Variants in SLIT3 observed in about 807,000 individuals in gnomAD.
SLIT3 encodes the protein slit guidance ligand 3.
A neutral mutation model predicts 184.0 loss-of-function variants in SLIT3; 68 were observed. The ratio of observed to expected loss-of-function variants is 0.37; its 90% CI spans 0.30 to 0.45. The LOEUF is 0.45. Ranked by LOEUF, SLIT3 falls within the 20% of genes least tolerant of loss-of-function variation. The pLI is 1.00. For synonymous variants in SLIT3, 831 were observed against 828.6 expected (o/e 1.00, Z -0.05); for missense variants, 1,707 against 2,026.0 (o/e 0.84, Z 3.02).
chr5:169,028,356 G>A (rs1024503159), intron 4 of SLIT3, among the ~76,000 whole-genome samples: 1 of 152,096 alleles, frequency 6.6e-6, no homozygotes, highest in African/African-American at 2.4e-5. Flanking sequence ...GAGGACCATT[G>A]GTCAGCTTCA....
intron 4 of SLIT3, among the ~76,000 whole-genome samples, chr5:169,083,430 C>T (rs1298481776): frequency 7.2e-5 from 11 of 152,194 alleles, no homozygotes; most frequent in Admixed American, 7.2e-4. Context: ...AAGAGATCAA[C>T]ACCAATCCAG....
chr5:169,207,220 AT>A (rs914635789), intron 3 of SLIT3, among the ~76,000 whole-genome samples: 1 of 152,016 alleles, frequency 6.6e-6, no homozygotes, highest in African/African-American at 2.4e-5. Flanking sequence ...ATCCAAACTT[AT>A]TGGCGTTTCA....
chr5:169,007,439 T>A (rs551969866), intron 4 of SLIT3, among the ~76,000 whole-genome samples: 1 of 152,226 alleles, frequency 6.6e-6, no homozygotes, highest in Non-Finnish European at 1.5e-5. Context: ...GCAGTCCCTT[T>A]GGACCCAACC....
intron 4 of SLIT3, among the ~76,000 whole-genome samples, chr5:169,085,725 T>C (rs1416882969): frequency 2.0e-5 from 3 of 152,314 alleles, no homozygotes; most frequent in Non-Finnish European, 2.9e-5. Context: ...GCCAGAGACA[T>C]GCAATGCCTA....
At chr5:168,809,045 T>C (rs1312476114) in intron 8 of SLIT3, among the ~76,000 whole-genome samples, 1 of 152,160 alleles carries the variant, frequency 6.6e-6, no homozygotes, top group Non-Finnish European at 1.5e-5. Context: ...TCTTTTGATC[T>C]GTGAAATATT....
intron 4 of SLIT3, among the ~76,000 whole-genome samples, chr5:168,884,178 G>A (rs62377161): frequency 6.7e-6 from 1 of 150,128 alleles, no homozygotes; most frequent in East Asian, 2.0e-4. Context: ...CACTAAGAAC[G>A]CAGGCCTGCT....
chr5:169,019,714 G>A (rs1035549211), intron 4 of SLIT3, among the ~76,000 whole-genome samples: 2 of 152,092 alleles, frequency 1.3e-5, no homozygotes, highest in Admixed American at 1.3e-4. Context: ...TACTAAGGGT[G>A]GAATCCTGAA....
chr5:169,299,601 G>A (rs1355756617), intron 1 of SLIT3, among the ~76,000 whole-genome samples: 1 of 151,940 alleles, frequency 6.6e-6, no homozygotes, highest in Non-Finnish European at 1.5e-5. Context: ...CCCCAACTGC[G>A]GACTAAGAGG....
At chr5:168,862,295 A>T (rs996441220) in intron 5 of SLIT3, among the ~76,000 whole-genome samples, 3 of 152,196 alleles carry the variant, frequency 2.0e-5, no homozygotes, top group Non-Finnish European at 2.9e-5. Context: ...CCAAAATTTC[A>T]GAAATCACCG....
At position 168,923,709 on chromosome 5, in the gene SLIT3, G is replaced by T. The variant is rs774141358; in HGVS notation, c.414-40373C>A. 1.1e-3 allele frequency among the ~76,000 whole-genome samples: 166 copies of T among 152,136 alleles called. 1 individual carries two copies. Among genetic ancestry groups the T allele is most frequent in the Middle Eastern group, 3.4e-3 (1 of 294 alleles). Reference sequence around the variant, plus strand: ...CTTTTTATATTTTTACTACAGACTGGGTTTCACCATGTTGGGCAGGCTGGT... The same window carrying T: ...CTTTTTATATTTTTACTACAGACTGTGTTTCACCATGTTGGGCAGGCTGGT... On this transcript the variant is annotated intron_variant, in intron 4 of 35. Coordinates refer to ENST00000519560, the MANE Select transcript of SLIT3 (RefSeq NM_003062.4).
chr5:169,138,443 C>G (rs1219425332), intron 4 of SLIT3, among the ~76,000 whole-genome samples: 1 of 152,172 alleles, frequency 6.6e-6, no homozygotes, highest in Non-Finnish European at 1.5e-5. Context: ...CCTGTCTTCT[C>G]CTGCTGCCCC....
intron 4 of SLIT3, among the ~76,000 whole-genome samples, chr5:168,953,090 C>G (rs532899607): frequency 1.3e-5 from 2 of 152,186 alleles, no homozygotes; most frequent in Non-Finnish European, 2.9e-5. Flanking sequence ...TCCGGCTAAA[C>G]AGGCTTAGTA....
At chr5:168,911,423 G>A (rs1761250586) in intron 4 of SLIT3, among the ~76,000 whole-genome samples, 1 of 152,122 alleles carries the variant, frequency 6.6e-6, no homozygotes, top group African/African-American at 2.4e-5. Context: ...CTTTTCATTG[G>A]CTCCCAGTGA....
chr5:169,271,302 C>T (rs1766601785), intron 1 of SLIT3, among the ~76,000 whole-genome samples: 1 of 152,204 alleles, frequency 6.6e-6, no homozygotes, highest in South Asian at 2.1e-4. Context: ...CCACAATCCC[C>T]ATGCCTGCCT....
chr5:169,158,434 A>G (rs77133422), intron 4 of SLIT3, among the ~76,000 whole-genome samples: 1,769 of 152,276 alleles, frequency 0.012, 42 homozygotes, highest in African/African-American at 0.042. Flanking sequence ...AAGGAAACTA[A>G]GAAAATTTGT....
intron 1 of SLIT3, chr5:169,263,717 A>G (rs754675872): frequency 2.0e-6 from 1 of 509,668 alleles, no homozygotes; most frequent in Non-Finnish European, 4.0e-6. Context: ...AGCCTCCCCC[A>G]GCTGCTCCAT....
rs924669938 is a variant in SLIT3 at position 169,281,432 on chromosome 5, C to T, written c.197+19081G>A. ...CAGAGGTTGCAGTAGGCCGAGATGG[C>T]GCCACTGCACTCCAGCATGGCAACA... On this transcript the variant is annotated intron_variant, in intron 1 of 35. Transcript: ENST00000519560. Among the ~76,000 whole-genome samples the T allele has an allele frequency of 8.5e-5, 13 of 152,248 alleles. 1 individual carries two copies. Among genetic ancestry groups the T allele is most frequent in the African/African-American group, 2.9e-4 (12 of 41,560 alleles).
chr5:168,691,093 C>T (rs975054569), intron 29 of SLIT3, among the ~76,000 whole-genome samples: 10 of 152,148 alleles, frequency 6.6e-5, no homozygotes, highest in African/African-American at 2.4e-4. Flanking sequence ...GGGCCTAGAA[C>T]TTCTTTCTTT....
chr5:169,079,866 A>AGGG (rs1422946985), intron 4 of SLIT3, among the ~76,000 whole-genome samples: 1 of 128,136 alleles, frequency 7.8e-6, no homozygotes, highest in African/African-American at 3.1e-5. Context: ...AGGGAGGAGG[A>AGGG]AAGGTGGAGG....
Sources: allele counts gnomAD v4.1 joint callset (sites outside exome capture counted in the v4.1 genomes callset), GRCh38; gene constraint gnomAD v4.1.1; transcripts MANE v1.5; gene names NCBI Gene and HGNC (gene_info 2026-07-23, HGNC 2026-07-21).